Variants in SLC24A2 observed in about 807,000 individuals in gnomAD.
SLC24A2 encodes the protein sodium/potassium/calcium exchanger 2.
SLC24A2 carries 36 observed loss-of-function variants against 62.0 expected under a neutral mutation model. The observed-to-expected ratio is 0.58, with a 90% CI of 0.44 to 0.77. The LOEUF is 0.77. SLC24A2 is among the 30% of genes least tolerant of loss of function. The probability of loss-of-function intolerance (pLI) is 0.00; values close to 1 mark genes in which losing one functional copy is unlikely to be tolerated. For synonymous variants in SLC24A2, 358 were observed against 294.0 expected (o/e 1.22, Z -2.23); for missense variants, 846 against 817.9 (o/e 1.03, Z -0.42).
At chr9:20,185,299 C>T in the SLC24A2 span, among the ~76,000 whole-genome samples, 1 of 152,020 alleles carries the variant, frequency 6.6e-6, no homozygotes, top group African/African-American at 2.4e-5. Context: ...ACAATGCATC[C>T]ATATTTCAAA....
the SLC24A2 span, among the ~76,000 whole-genome samples, chr9:20,017,780 G>C: frequency 2.6e-5 from 4 of 152,302 alleles, no homozygotes; most frequent in South Asian, 6.2e-4. Flanking sequence ...GAGGCCAGAA[G>C]ACTCAGCAAC....
At chr9:20,118,041 A>G in the SLC24A2 span, among the ~76,000 whole-genome samples, 1 of 152,128 alleles carries the variant, frequency 6.6e-6, no homozygotes, top group African/African-American at 2.4e-5. Flanking sequence ...ATATTAAATT[A>G]TTACTCCATT....
At chr9:19,899,959 T>C in the SLC24A2 span, among the ~76,000 whole-genome samples, 1 of 152,108 alleles carries the variant, frequency 6.6e-6, no homozygotes, top group Non-Finnish European at 1.5e-5. Flanking sequence ...CAATTCAAGA[T>C]GAGATGTGTG....
intron 2 of SLC24A2, among the ~76,000 whole-genome samples, chr9:19,681,898 T>C (rs889975834): frequency 6.6e-6 from 1 of 152,200 alleles, no homozygotes; most frequent in Non-Finnish European, 1.5e-5. Context: ...AGCAGTATAT[T>C]ATGTTCGCAG....
intron 7 of SLC24A2, among the ~76,000 whole-genome samples, chr9:19,572,841 C>T (rs1006032545): frequency 6.6e-6 from 1 of 152,170 alleles, no homozygotes; most frequent in Non-Finnish European, 1.5e-5. Flanking sequence ...GTGTTAATTT[C>T]AACCACAGGG....
chr9:20,256,821 T>A, the SLC24A2 span, among the ~76,000 whole-genome samples: 1 of 152,084 alleles, frequency 6.6e-6, no homozygotes, highest in Non-Finnish European at 1.5e-5. Context: ...TTTTTACTCT[T>A]TTTATTTGCT....
At chr9:20,231,270 G>A in the SLC24A2 span, among the ~76,000 whole-genome samples, 1 of 152,190 alleles carries the variant, frequency 6.6e-6, no homozygotes, top group Non-Finnish European at 1.5e-5. Flanking sequence ...ATTCTGTGAA[G>A]AAAGTCGTTG....
intron 2 of SLC24A2, among the ~76,000 whole-genome samples, chr9:19,641,597 C>T (rs939678271): frequency 6.6e-6 from 1 of 151,742 alleles, no homozygotes; most frequent in African/African-American, 2.4e-5. Flanking sequence ...TCACTGCAAC[C>T]TCCGCCTCCT....
At chr9:20,052,640 C>A in the SLC24A2 span, among the ~76,000 whole-genome samples, 2 of 152,228 alleles carry the variant, frequency 1.3e-5, no homozygotes, top group South Asian at 4.1e-4. Context: ...CATTTCCTCA[C>A]GACATTGCTG....
chr9:19,917,105 G>C, the SLC24A2 span, among the ~76,000 whole-genome samples: 3 of 137,590 alleles, frequency 2.2e-5, no homozygotes, highest in Non-Finnish European at 3.1e-5. Context: ...TTTTAATTTT[G>C]TATTTTCTTT....
the SLC24A2 span, among the ~76,000 whole-genome samples, chr9:19,899,408 T>C: frequency 6.6e-6 from 1 of 152,270 alleles, no homozygotes; most frequent in Non-Finnish European, 1.5e-5. Context: ...GGCTGGTACT[T>C]CCTGAGTCTT....
chr9:19,848,974 C>T, the SLC24A2 span, among the ~76,000 whole-genome samples: 11 of 152,158 alleles, frequency 7.2e-5, no homozygotes, highest in Admixed American at 2.0e-4. Flanking sequence ...ATAAATAAAA[C>T]GTGGATTCTG....
the SLC24A2 span, among the ~76,000 whole-genome samples, chr9:20,064,051 G>T: frequency 1.3e-5 from 2 of 152,162 alleles, no homozygotes; most frequent in East Asian, 3.9e-4. Flanking sequence ...TACCATAATA[G>T]CCCCAAACTA....
At chr9:20,056,127 TG>T in the SLC24A2 span, among the ~76,000 whole-genome samples, 1 of 152,206 alleles carries the variant, frequency 6.6e-6, no homozygotes, top group Non-Finnish European at 1.5e-5. Context: ...TGAGAAGTTG[TG>T]GGATTTAAAT....
chr9:19,761,848 A>G (rs919337354), intron 2 of SLC24A2, among the ~76,000 whole-genome samples: 2 of 152,170 alleles, frequency 1.3e-5, no homozygotes, highest in African/African-American at 2.4e-5. Context: ...TCCGTGGTGT[A>G]TATGTGCCAC....
intron 2 of SLC24A2, among the ~76,000 whole-genome samples, chr9:19,744,807 C>T (rs1034140385): frequency 3.3e-5 from 5 of 152,154 alleles, no homozygotes; most frequent in Non-Finnish European, 2.9e-5. Context: ...ATTCAAATAC[C>T]TTGTTACTTC....
At chr9:19,716,829 C>T (rs1251783198) in intron 2 of SLC24A2, among the ~76,000 whole-genome samples, 1 of 152,118 alleles carries the variant, frequency 6.6e-6, no homozygotes, top group Non-Finnish European at 1.5e-5. Context: ...TTTGTCTTGG[C>T]CATATCTGAA....
At chr9:19,667,410 T>C (rs1819285594) in intron 2 of SLC24A2, among the ~76,000 whole-genome samples, 2 of 152,234 alleles carry the variant, frequency 1.3e-5, no homozygotes, top group East Asian at 3.8e-4. Context: ...CCGAACACTT[T>C]CATTCTTATT....
chr9:20,207,460 C>A, the SLC24A2 span, among the ~76,000 whole-genome samples: 3 of 151,688 alleles, frequency 2.0e-5, no homozygotes, highest in Non-Finnish European at 2.9e-5. Flanking sequence ...AATTCTGAAC[C>A]TTTAAGATTA....
Sources: gnomAD v4.1 joint callset for allele counts (sites outside exome capture counted in the v4.1 genomes callset) on GRCh38, gnomAD v4.1.1 for gene constraint, MANE v1.5 for transcripts, NCBI Gene and HGNC (gene_info 2026-07-23, HGNC 2026-07-21) for gene names.